ADCYAP1R1: variants seen among roughly 807,000 people sequenced by gnomAD.
ADCYAP1R1 encodes pituitary adenylate cyclase-activating polypeptide type I receptor.
ADCYAP1R1 carries 44 observed loss-of-function variants against 67.6 expected under a neutral mutation model. That is an observed-to-expected ratio of 0.65 (90% CI 0.51 to 0.84). The LOEUF (loss-of-function observed/expected upper bound fraction) is 0.84, where lower values mean the gene tolerates loss of function less well. ADCYAP1R1 is among the 40% of genes least tolerant of loss of function. The probability of loss-of-function intolerance (pLI) is 0.00; values close to 1 mark genes in which losing one functional copy is unlikely to be tolerated. For missense variants in ADCYAP1R1, 477 were observed against 587.9 expected (o/e 0.81, Z 1.95); for synonymous variants, 222 against 219.6 (o/e 1.01, Z -0.10).
intron 14 of ADCYAP1R1, 116 bp from the exon 15 acceptor site, chr7:31,104,752 G>A (rs1796572001): frequency 8.6e-7 from 1 of 1,163,830 alleles, no homozygotes; most frequent in Non-Finnish European, 1.3e-6. Context: ...CTGGGCAGGT[G>A]CCCCCATCCA....
intron 4 of ADCYAP1R1, among the ~76,000 whole-genome samples, chr7:31,078,401 C>T (rs1265897504): frequency 2.0e-5 from 3 of 152,226 alleles, no homozygotes; most frequent in African/African-American, 7.2e-5. Context: ...CGGTGGCCCC[C>T]TCCCAGGGTG....
chr7:31,094,675 C>CCCA (rs1562652336), intron 13 of ADCYAP1R1, among the ~76,000 whole-genome samples: 1 of 152,042 alleles, frequency 6.6e-6, no homozygotes, highest in Non-Finnish European at 1.5e-5. Context: ...CAGCAAGAAC[C>CCCA]CCCAGGGCCT....
At chr7:31,100,315 C>T in intron 13 of ADCYAP1R1, 1 of 1,096,756 alleles carries the variant, frequency 9.1e-7, no homozygotes, top group Admixed American at 2.0e-5. Context: ...CCTCTGCCTC[C>T]CAGCCCCAAC....
intron 13 of ADCYAP1R1, among the ~76,000 whole-genome samples, chr7:31,096,083 C>T (rs569321502): frequency 6.6e-6 from 1 of 152,224 alleles, no homozygotes; most frequent in South Asian, 2.1e-4. Flanking sequence ...GAGTTGACCT[C>T]TGTGAGCAGG....
chr7:31,066,501 A>G (rs1794745314), intron 3 of ADCYAP1R1, among the ~76,000 whole-genome samples: 1 of 152,178 alleles, frequency 6.6e-6, no homozygotes, highest in South Asian at 2.1e-4. Flanking sequence ...TGGAAGGGCC[A>G]GGCCAGTGCT....
At chr7:31,103,110 G>A in intron 13 of ADCYAP1R1, 127 bp from the exon 14 acceptor site, 1 of 1,314,094 alleles carries the variant, frequency 7.6e-7, no homozygotes, top group Non-Finnish European at 1.0e-6. Context: ...GAATGCTGAG[G>A]GGTCTGTGGA....
At chr7:31,063,128 G>C in intron 1 of ADCYAP1R1, 66 bp from the exon 2 acceptor site, 1 of 923,158 alleles carries the variant, frequency 1.1e-6, no homozygotes, top group East Asian at 2.5e-5. Flanking sequence ...AATAAGGAAG[G>C]GAGGTGGTCT....
At position 31,110,074 on chromosome 7, in the gene ADCYAP1R1, A is replaced by G. The variant is rs1206959298; in HGVS notation, c.*3390A>G. On this transcript the variant is annotated 3_prime_UTR_variant, in exon 16 of 16. Transcript: ENST00000304166. ...TAATCCCCGCCAAGGATGCCCACTC[A>G]CCTCTCTCATCTGATCCTCACTCTT... is the stretch of plus-strand genomic sequence containing the variant. 2 of 144,978 alleles carry G rather than the reference A, an allele frequency of 1.4e-5. No individual in the cohort carries two copies. Among genetic ancestry groups the G allele is most frequent in the Non-Finnish European group, 3.0e-5 (2 of 66,566 alleles). 9.0% of individuals were successfully genotyped at this position (144,978 alleles called of 1,614,324 possible).
chr7:31,080,577 C>G, intron 4 of ADCYAP1R1, 36 bp from the exon 5 acceptor site: 1 of 1,610,304 alleles, frequency 6.2e-7, no homozygotes, highest in African/African-American at 1.3e-5. Context: ...CTGCTCACCT[C>G]TGACTTTTCT....
At chr7:31,083,768 C>A (rs151069873) in intron 6 of ADCYAP1R1, among the ~76,000 whole-genome samples, 1,882 of 152,276 alleles carry the variant, frequency 0.012, 19 homozygotes, top group South Asian at 0.04. Flanking sequence ...TCCCTAAGGG[C>A]AGGCCTGGAA....
At chr7:31,081,644 G>C (rs896026453) in intron 5 of ADCYAP1R1, 69 bp from the exon 6 acceptor site, 1 of 1,330,106 alleles carries the variant, frequency 7.5e-7, no homozygotes, top group Admixed American at 2.0e-5. Flanking sequence ...AGCCTTCCAG[G>C]GTGGAGAGTA....
chr7:31,069,201 C>T (rs1052368607), intron 3 of ADCYAP1R1, among the ~76,000 whole-genome samples: 1 of 152,230 alleles, frequency 6.6e-6, no homozygotes, highest in African/African-American at 2.4e-5. Flanking sequence ...AGCAGCCCCT[C>T]AGGGCCCAGA....
At chr7:31,065,077 G>T in intron 3 of ADCYAP1R1, 141 bp downstream of exon 3, 1 of 637,320 alleles carries the variant, frequency 1.6e-6, no homozygotes, top group Non-Finnish European at 2.7e-6. Flanking sequence ...CTGATGTCCT[G>T]GATCTGCTCT....
intron 14 of ADCYAP1R1, among the ~76,000 whole-genome samples, chr7:31,104,525 A>G (rs1796559948): frequency 2.0e-5 from 3 of 152,086 alleles, no homozygotes; most frequent in African/African-American, 7.2e-5. Context: ...AGCCTGCAGG[A>G]TGGTTAGGAG....
chr7:31,084,550 G>T (rs753127456), intron 7 of ADCYAP1R1, among the ~76,000 whole-genome samples, 187 bp from the exon 8 acceptor site: 88 of 152,362 alleles, frequency 5.8e-4, no homozygotes, highest in Admixed American at 9.1e-4. Context: ...CTGACAGTGT[G>T]CAAAGGGGAC....
chr7:31,095,846 G>A (rs1796171378), intron 13 of ADCYAP1R1: 1 of 670,224 alleles, frequency 1.5e-6, no homozygotes, highest in Admixed American at 2.2e-5. Context: ...GATGGGGTCT[G>A]GGGCCTCTGC....
chr7:31,067,580 G>A (rs1794790465), intron 3 of ADCYAP1R1, among the ~76,000 whole-genome samples: 1 of 152,130 alleles, frequency 6.6e-6, no homozygotes, highest in Admixed American at 6.5e-5. Context: ...GGCACAAGGA[G>A]GTACTTTGCT....
chr7:31,080,691 C>T (rs1331075903), intron 5 of ADCYAP1R1, 58 bp downstream of exon 5: 23 of 1,582,044 alleles, frequency 1.5e-5, no homozygotes, highest in Non-Finnish European at 1.9e-5. Context: ...AGCAGGAGCC[C>T]AGCCTCAGGA....
intron 3 of ADCYAP1R1, among the ~76,000 whole-genome samples, chr7:31,068,208 T>TGCGC (rs200836383): frequency 5.4e-5 from 8 of 148,690 alleles, no homozygotes; most frequent in South Asian, 2.1e-4. Flanking sequence ...CGCACGCATG[T>TGCGC]GCGCGCGCAC....
Sources: gnomAD v4.1 joint callset for allele counts (sites outside exome capture counted in the v4.1 genomes callset) on GRCh38, gnomAD v4.1.1 for gene constraint, MANE v1.5 for transcripts, NCBI Gene and HGNC (gene_info 2026-07-23, HGNC 2026-07-21) for gene names.